The following ARHGAP35 variants were observed in gnomAD, a reference collection of about 807,000 sequenced individuals.
The protein encoded by ARHGAP35 is Rho GTPase activating protein 35.
Under a neutral mutation model 111.1 loss-of-function variants are expected in ARHGAP35, and 15 were observed. The ratio of observed to expected loss-of-function variants is 0.13; its 90% confidence interval spans 0.09 to 0.21. The LOEUF (loss-of-function observed/expected upper bound fraction) is 0.21. Among genes scored for constraint, ARHGAP35 ranks in the 10% least tolerant of loss-of-function variants. The probability of loss-of-function intolerance (pLI) is 1.00; values close to 1 mark genes in which losing one functional copy is unlikely to be tolerated. For missense variants in ARHGAP35, 1,262 were observed against 1,873.0 expected, an observed-to-expected ratio of 0.67 and a Z score of 6.02; for synonymous variants, 643 against 710.3, an observed-to-expected ratio of 0.91 and a Z score of 1.51.
chr19:46,957,613 AAAAT>A (rs1181401666), intron 3 of ARHGAP35, among the ~76,000 whole-genome samples: 2 of 152,196 alleles, frequency 1.3e-5, no homozygotes, highest in Non-Finnish European at 2.9e-5. Flanking sequence ...CCCTATCTCA[AAAAT>A]AAATAAATAA....
chr19:46,981,501 C>T (rs763393060), intron 3 of ARHGAP35, among the ~76,000 whole-genome samples: 4 of 152,210 alleles, frequency 2.6e-5, no homozygotes, highest in Non-Finnish European at 4.4e-5. Flanking sequence ...GGAGCAGAGG[C>T]GAAGCCTGAC....
intron 5 of ARHGAP35, among the ~76,000 whole-genome samples, chr19:46,995,458 C>T (rs903518510): frequency 6.6e-6 from 1 of 152,228 alleles, no homozygotes; most frequent in Non-Finnish European, 1.5e-5. Context: ...GCCCCCCATC[C>T]CCTGTCCTGT....
At chr19:46,990,697 C>CTGATGG (rs1205069806) in intron 5 of ARHGAP35, among the ~76,000 whole-genome samples, 1 of 152,206 alleles carries the variant, frequency 6.6e-6, no homozygotes, top group African/African-American at 2.4e-5. Flanking sequence ...ATTCACAAGC[C>CTGATGG]TGATGGTGTA....
chr19:46,921,749 T>A lies in ARHGAP35; in HGVS notation c.3074T>A (p.Ile1025Asn). The A allele has an allele frequency of 3.1e-6, 5 of 1,614,004 alleles. No homozygotes were observed. Among genetic ancestry groups the A allele is most frequent in the Non-Finnish European group, 4.2e-6 (5 of 1,179,880 alleles). Reference sequence around the variant, plus strand: ...GAGGGAAATGATGGGCTGTCTTTCATTATGAGCAATTTTGAGAGTAAACTG... The same window carrying A: ...GAGGGAAATGATGGGCTGTCTTTCAATATGAGCAATTTTGAGAGTAAACTG... ...ELEGNDGLSF[I>N]MSNFESKLNN... Residue 1025 changes from isoleucine to asparagine, a missense_variant, in exon 2 of 7, where the codon ATT becomes AAT. Ile to Asn is a moderately radical substitution (Grantham distance 149, BLOSUM62 -3). Around this residue, in one of 8 missense-constraint regions of ARHGAP35, gnomAD observed 579 missense variants for 716.9 expected, o/e 0.81. Transcript: ENST00000672722. This position sits in a 1 kb window ranked among gnomAD's most constrained non-coding sequence, Gnocchi z 4.3.
chr19:46,964,114 C>T (rs759518438), intron 3 of ARHGAP35, among the ~76,000 whole-genome samples: 5 of 151,940 alleles, frequency 3.3e-5, no homozygotes, highest in African/African-American at 7.3e-5. Context: ...GTGATCCACC[C>T]GCCTCAGCCT....
chr19:46,900,619 T>G (rs1173379429), intron 1 of ARHGAP35, among the ~76,000 whole-genome samples: 2 of 152,234 alleles, frequency 1.3e-5, no homozygotes. Flanking sequence ...TGGTTTTTTC[T>G]TTGGACACTA....
chr19:46,890,382 T>G (rs1429880597), intron 1 of ARHGAP35, among the ~76,000 whole-genome samples: 2 of 152,268 alleles, frequency 1.3e-5, no homozygotes, highest in Admixed American at 6.5e-5. Flanking sequence ...CAAGTATTCA[T>G]TCATTTGTCA....
Position 46,992,083 on chromosome 19 carries a change from C to G in ARHGAP35, c.4036+2408C>G, listed in dbSNP as rs562148802. On this transcript the variant is annotated intron_variant, in intron 5 of 6. Transcript: ENST00000672722. The surrounding 1 kb of genome is among the most constrained non-coding windows in gnomAD (Gnocchi z 4.4). ...TTTTCCTCCCACACTCAAGGTGACA[C>G]GTGGGAGATTCAGAAATGAACAGCA... Among the ~76,000 whole-genome samples the G allele has an allele frequency of 6.6e-6, 1 of 152,200 alleles. No individual in the cohort carries two copies. The highest frequency in any genetic ancestry group is 2.4e-5 in the African/African-American group (1 of 41,442).
rs1202657284 is a variant in ARHGAP35, at chr19:46,919,080, C to A, written c.405C>A (p.Cys135Ter). ...CAGCTGAAAAACTCATGTACTTTTG[C>A]ACTGACCAGCTGGGGCTGGAGCAGG... ...LASAEKLMYF[C>*]TDQLGLEQDF... is the part of the protein sequence containing the mutation. Residue 135 changes from cysteine to a stop codon, truncating the protein, a stop_gained, in exon 2 of 7, where the codon TGC becomes TGA. Transcript: ENST00000672722. LOFTEE classifies it high-confidence loss of function. The surrounding 1 kb of genome is among the most constrained non-coding windows in gnomAD (Gnocchi z 6.2). The A allele has an allele frequency of 6.2e-7, 1 of 1,614,000 alleles. No homozygotes were observed. The highest frequency in any genetic ancestry group is 1.3e-5 in the African/African-American group (1 of 75,048).
intron 1 of ARHGAP35, among the ~76,000 whole-genome samples, chr19:46,882,743 A>G (rs2055969325): frequency 6.6e-6 from 1 of 152,080 alleles, no homozygotes. Flanking sequence ...TTGAGTGAGA[A>G]CATGCAGTGT....
At chr19:46,862,085 G>T (rs1488723197) in intron 1 of ARHGAP35, among the ~76,000 whole-genome samples, 3 of 151,990 alleles carry the variant, frequency 2.0e-5, no homozygotes, top group African/African-American at 7.3e-5. Context: ...TTACCATTCA[G>T]ACCCTTTCCT....
intron 1 of ARHGAP35, among the ~76,000 whole-genome samples, chr19:46,894,843 TAG>T (rs571905433): frequency 6.6e-6 from 1 of 152,202 alleles, no homozygotes; most frequent in Non-Finnish European, 1.5e-5. Flanking sequence ...ATTGAGATAA[TAG>T]AGAGAGATTT....
chr19:46,984,245 G>C (rs1243639294), intron 3 of ARHGAP35, among the ~76,000 whole-genome samples: 2 of 152,214 alleles, frequency 1.3e-5, no homozygotes, highest in Non-Finnish European at 2.9e-5. Context: ...TAGACATGGT[G>C]GGTGGAGGTC....
intron 2 of ARHGAP35, among the ~76,000 whole-genome samples, chr19:46,931,929 C>T (rs2056275207): frequency 6.6e-6 from 1 of 152,186 alleles, no homozygotes; most frequent in African/African-American, 2.4e-5. Flanking sequence ...GAGCAGCTAC[C>T]ACCATGCCCA....
chr19:46,892,255 G>C (rs1279123427), intron 1 of ARHGAP35, among the ~76,000 whole-genome samples: 1 of 146,796 alleles, frequency 6.8e-6, no homozygotes, highest in African/African-American at 2.5e-5. Context: ...AGTGAGCCGA[G>C]ATCGCACCAC....
intron 1 of ARHGAP35, among the ~76,000 whole-genome samples, chr19:46,868,289 T>G (rs553992948): frequency 6.6e-6 from 1 of 152,308 alleles, no homozygotes; most frequent in African/African-American, 2.4e-5. Context: ...CAAAATTTGT[T>G]TATTTTATTA....
chr19:46,949,785 G>T (rs901965874), intron 3 of ARHGAP35, among the ~76,000 whole-genome samples: 7 of 152,186 alleles, frequency 4.6e-5, no homozygotes, highest in Non-Finnish European at 8.8e-5. Context: ...ATTAAATCCT[G>T]TTTGTAATGT....
intron 1 of ARHGAP35, among the ~76,000 whole-genome samples, chr19:46,917,362 C>T (rs2056170022): frequency 2.0e-5 from 3 of 152,196 alleles, no homozygotes; most frequent in Admixed American, 2.0e-4. Flanking sequence ...AATCCCAGAA[C>T]TTTAAGAGGC....
rs529022109 is a variant in ARHGAP35 at position 46,940,359 on chromosome 19, C to CA, written c.3826+2970dup. Among the ~76,000 whole-genome samples the CA allele has an allele frequency of 7.2e-4, 82 of 114,040 alleles. 1 individual carries two copies. Among genetic ancestry groups the CA allele is most frequent in the East Asian group, 2.8e-3 (10 of 3,618 alleles). The allele number at this position is 114,040 out of a possible 152,430, so 74.8% of individuals were successfully genotyped here. A position where few individuals can be genotyped will look rare whatever the true frequency, so the allele number is the denominator to read the frequency against. ...GGCCAACAAGAGCAAAACTGTGTCT[C>CA]AAAAAAAAAAAAAAAAAAATTAGCT... On this transcript the variant is annotated intron_variant, in intron 3 of 6. Transcript: ENST00000672722.
Sources: gnomAD v4.1 joint callset for allele counts (sites outside exome capture counted in the v4.1 genomes callset) on GRCh38, gnomAD v4.1.1 for gene constraint, gnomAD v4.1.1 regional missense constraint, Gnocchi (gnomAD v3.1) non-coding constraint, MANE v1.5 for transcripts, NCBI Gene and HGNC (gene_info 2026-07-23, HGNC 2026-07-21) for gene names.